The following PARP11 variants were observed in gnomAD, a reference collection of about 807,000 sequenced individuals.
PARP11 encodes protein mono-ADP-ribosyltransferase PARP11.
PARP11 carries 31 observed loss-of-function variants against 42.9 expected under a neutral mutation model. That is an observed-to-expected ratio of 0.72 (90% confidence interval 0.54 to 0.98). The LOEUF (loss-of-function observed/expected upper bound fraction) is 0.98, where lower values mean the gene tolerates loss of function less well. Ranked by LOEUF, PARP11 falls within the 50% of genes least tolerant of loss-of-function variation. The pLI, the probability that PARP11 is intolerant of heterozygous loss-of-function variation, is 0.00. For synonymous variants in PARP11, 137 were observed against 127.3 expected (o/e 1.08, Z -0.51); for missense variants, 365 against 413.1 (o/e 0.88, Z 1.01).
rs537184669 is a variant in PARP11, at chr12:3,861,559, T to G, written c.18+11653A>C. Among the ~76,000 whole-genome samples the G allele has an allele frequency of 6.1e-4, 93 of 152,248 alleles. No homozygotes were observed. Among genetic ancestry groups the G allele is most frequent in the Non-Finnish European group, 1.1e-3 (77 of 68,042 alleles). On this transcript the variant is annotated intron_variant, in intron 1 of 7. Transcript: ENST00000228820. This position sits in a 1 kb window ranked among gnomAD's most constrained non-coding sequence, Gnocchi z 4.6. ...AGATTTCAGAGTTCTTAATATATTC[T>G]ATGTACAAGTCATTTATCAGATATA...
chr12:3,813,999 C>A, intron 7 of PARP11, 38 bp downstream of exon 7: 1 of 1,492,216 alleles, frequency 6.7e-7, no homozygotes, highest in South Asian at 1.4e-5. Context: ...GAAACTCTCT[C>A]CTGGGGCTCA....
intron 1 of PARP11, among the ~76,000 whole-genome samples, chr12:3,866,305 C>A (rs1452342963): frequency 6.6e-6 from 1 of 152,076 alleles, no homozygotes; most frequent in Non-Finnish European, 1.5e-5. Context: ...TCCATAAATT[C>A]TCAGTCTCCT....
At chr12:3,826,276 C>G in intron 3 of PARP11, 43 bp from the exon 4 acceptor site, 1 of 1,399,092 alleles carries the variant, frequency 7.1e-7, no homozygotes, top group Non-Finnish European at 9.8e-7. Flanking sequence ...TAAAAGTACA[C>G]TGTACTATAA....
At chr12:3,820,754 A>G (rs887344759) in intron 6 of PARP11, among the ~76,000 whole-genome samples, 28 of 152,242 alleles carry the variant, frequency 1.8e-4, no homozygotes, top group African/African-American at 6.8e-4. Context: ...TCATCTAAAC[A>G]AGAACTAAAT....
Position 3,821,919 on chromosome 12 carries a change from T to A in PARP11, c.502A>T (p.Arg168Ter). The change falls in exon 6 of 8, where the codon AGA (arginine) becomes TGA (stop). Residue 168 changes from arginine to a stop codon, truncating the protein, a stop_gained. Coordinates refer to ENST00000228820, the MANE Select transcript of PARP11 (RefSeq NM_020367.6). LOFTEE classifies it high-confidence loss of function. ...GKTMDRNRIK[R>*]IQRIQNLDLW... ...TCTAGGTTTTGAATTCTCTGAATTC[T>A]TTTAATTCGGTTGCGATCCATCGTC... 1 of 1,610,112 alleles carries A rather than the reference T, an allele frequency of 6.2e-7. No homozygotes were observed.
intron 1 of PARP11, among the ~76,000 whole-genome samples, chr12:3,848,321 A>T (rs1279312815): frequency 6.6e-6 from 1 of 152,196 alleles, no homozygotes; most frequent in Non-Finnish European, 1.5e-5. Context: ...CCTAAAATTT[A>T]TATAGAACCA....
intron 1 of PARP11, among the ~76,000 whole-genome samples, chr12:3,848,525 A>G (rs867189605): frequency 1.3e-5 from 2 of 152,280 alleles, no homozygotes; most frequent in South Asian, 4.1e-4. Flanking sequence ...AACTCATTTC[A>G]ACAAAGTCAC....
chr12:3,850,969 T>C (rs1484135870), intron 1 of PARP11, among the ~76,000 whole-genome samples: 1 of 152,196 alleles, frequency 6.6e-6, no homozygotes, highest in Non-Finnish European at 1.5e-5. Flanking sequence ...CAAAATCTTG[T>C]TCATGTATTG....
At chr12:3,815,698 T>G (rs1256258974) in intron 6 of PARP11, among the ~76,000 whole-genome samples, 1 of 152,226 alleles carries the variant, frequency 6.6e-6, no homozygotes, top group Non-Finnish European at 1.5e-5. Context: ...TAATCAAGTG[T>G]GTAGTCGGTT....
At chr12:3,855,279 C>A (rs960050614) in intron 1 of PARP11, among the ~76,000 whole-genome samples, 1 of 152,226 alleles carries the variant, frequency 6.6e-6, no homozygotes, top group East Asian at 1.9e-4. Context: ...AAAGTTCTGG[C>A]CAGGGCAATC....
intron 1 of PARP11, chr12:3,863,905 C>G (rs1200495169): frequency 2.6e-5 from 4 of 152,158 alleles, no homozygotes; most frequent in Non-Finnish European, 5.9e-5. Context: ...CTAGTATAAA[C>G]AATCTGGACA....
chr12:3,841,468 G>A lies in PARP11; in HGVS notation c.19-11450C>T. On this transcript the variant is annotated intron_variant, in intron 1 of 7. Transcript: ENST00000228820. Reference sequence around the variant, plus strand: ...TTAAAGTGATTGTACCTGTACTGATGCCCACTTTCCTATGCAGACTGAGGC... The same window carrying A: ...TTAAAGTGATTGTACCTGTACTGATACCCACTTTCCTATGCAGACTGAGGC... 4.9e-6 allele frequency: 7 copies of A among 1,422,726 alleles called. 1 individual carries two copies. The highest frequency in any genetic ancestry group is 3.4e-5 in the South Asian group (3 of 86,964). 88.1% of individuals were successfully genotyped at this position (1,422,726 alleles called of 1,614,324 possible). A position where few individuals can be genotyped will look rare whatever the true frequency, so the allele number is the denominator to read the frequency against.
intron 3 of PARP11, among the ~76,000 whole-genome samples, chr12:3,827,435 A>G (rs747732561): frequency 6.6e-6 from 1 of 152,224 alleles, no homozygotes; most frequent in Non-Finnish European, 1.5e-5. Flanking sequence ...GCTTTGATAC[A>G]GTTCATCCTC....
At chr12:3,841,646 C>T in intron 1 of PARP11, 1 of 1,613,638 alleles carries the variant, frequency 6.2e-7, no homozygotes, top group South Asian at 1.1e-5. Context: ...CTTCTGCATG[C>T]TGATTATGAA....
intron 6 of PARP11, among the ~76,000 whole-genome samples, chr12:3,815,329 C>T (rs1947263959): frequency 6.6e-6 from 1 of 152,168 alleles, no homozygotes; most frequent in Non-Finnish European, 1.5e-5. Flanking sequence ...GAAAGTACAT[C>T]CATCTCAATG....
chr12:3,814,638 C>T (rs973605268), intron 6 of PARP11, among the ~76,000 whole-genome samples: 10 of 152,292 alleles, frequency 6.6e-5, no homozygotes, highest in African/African-American at 2.4e-4. Context: ...CTAAATTTTG[C>T]ACCATAGGGT....
At chr12:3,837,907 T>C (rs1405152711) in intron 1 of PARP11, among the ~76,000 whole-genome samples, 1 of 151,594 alleles carries the variant, frequency 6.6e-6, no homozygotes, top group Non-Finnish European at 1.5e-5. Context: ...TGGACATAAT[T>C]ATAAATATCT....
At chr12:3,860,967 C>T (rs1948284047) in intron 1 of PARP11, among the ~76,000 whole-genome samples, 1 of 152,178 alleles carries the variant, frequency 6.6e-6, no homozygotes. Context: ...CACAAGCCAC[C>T]AAACTCAGAC....
At chr12:3,867,546 C>T (rs1475794516) in intron 1 of PARP11, among the ~76,000 whole-genome samples, 1 of 152,190 alleles carries the variant, frequency 6.6e-6, no homozygotes, top group Non-Finnish European at 1.5e-5. Flanking sequence ...GAACCTACTA[C>T]TTCAGGGCCA....
Sources: allele counts gnomAD v4.1 joint callset (sites outside exome capture counted in the v4.1 genomes callset), GRCh38; gene constraint gnomAD v4.1.1; non-coding constraint Gnocchi (gnomAD v3.1); transcripts MANE v1.5; gene names NCBI Gene and HGNC (gene_info 2026-07-23, HGNC 2026-07-21).